Variants in ZNF589 observed in about 807,000 individuals in gnomAD.
ZNF589 encodes zinc finger protein 589, also known as KRAB-zinc finger protein SZF1-1.
A neutral mutation model predicts 13.6 loss-of-function variants in ZNF589; 17 were observed. The observed-to-expected ratio is 1.25, with a 90% CI of 0.86 to 1.88. The LOEUF (loss-of-function observed/expected upper bound fraction) is 1.88, where lower values mean the gene tolerates loss of function less well. ZNF589 is among the 40% of genes most tolerant of loss of function. ZNF589 has a pLI of 0.00. For missense variants in ZNF589, 407 were observed against 434.0 expected, an observed-to-expected ratio of 0.94 and a Z score of 0.55; for synonymous variants, 148 against 161.6, an observed-to-expected ratio of 0.92 and a Z score of 0.64.
rs2033694512 is a variant in ZNF589, at chr3:48,241,285, G to GT, written c.43+72dup. 3 of 1,570,964 alleles carry GT rather than the reference G, an allele frequency of 1.9e-6. No individual in the cohort carries two copies. In the South Asian group the frequency reaches 3.4e-5, roughly 18 times the overall value. Reference sequence around the variant, plus strand: ...CGCAGGCGCCGCGCAGGCGTCGGCCGTATCCACCAGGGATGCGCGTGGGGT... The same window carrying GT: ...CGCAGGCGCCGCGCAGGCGTCGGCCGTTATCCACCAGGGATGCGCGTGGGGT... On this transcript the variant is annotated intron_variant, in intron 1 of 3. Coordinates refer to ENST00000354698, the MANE Select transcript of ZNF589 (RefSeq NM_016089.3).
In ZNF589 at chr3:48,268,102, C is replaced by A. The variant is rs1275208821; in HGVS notation, c.411C>A (p.His137Gln). The A allele has an allele frequency of 1.2e-6, 2 of 1,614,174 alleles. No individual in the cohort carries two copies. Among genetic ancestry groups the A allele is most frequent in the East Asian group, 2.2e-5 (1 of 44,884 alleles). ...PQSQHPSDKNHRGAEAEDQRV... is the reference protein window; with the variant it reads ...PQSQHPSDKNQRGAEAEDQRV... ...CACAACATCCTTCTGATAAAAATCA[C>A]AGGGGGGCTGAAGCAGAAGATCAAC... Residue 137 changes from histidine to glutamine, a missense_variant, in exon 4 of 4, where the codon CAC (histidine) becomes CAA (glutamine). Coordinates refer to ENST00000354698, the MANE Select transcript of ZNF589 (RefSeq NM_016089.3).
intron 1 of ZNF589, among the ~76,000 whole-genome samples, chr3:48,243,066 CTA>C (rs2033715863): frequency 6.9e-6 from 1 of 144,360 alleles, no homozygotes; most frequent in Non-Finnish European, 1.5e-5. Context: ...GAATGAGACT[CTA>C]AAAAAAAAAA....
chr3:48,249,960 A>C (rs2033819181), intron 2 of ZNF589, among the ~76,000 whole-genome samples: 1 of 152,168 alleles, frequency 6.6e-6, no homozygotes, highest in South Asian at 2.1e-4. Flanking sequence ...AAAACCCATC[A>C]CTACTAAAAA....
intron 1 of ZNF589, among the ~76,000 whole-genome samples, chr3:48,244,840 T>G (rs1230115586): frequency 9.3e-5 from 14 of 151,272 alleles, no homozygotes; most frequent in Admixed American, 4.6e-4. Context: ...GAGATGGAGT[T>G]TTTTACTCTT....
At chr3:48,242,128 T>G (rs1183313171) in intron 1 of ZNF589, among the ~76,000 whole-genome samples, 1 of 151,230 alleles carries the variant, frequency 6.6e-6, no homozygotes, top group African/African-American at 2.4e-5. Flanking sequence ...ACTTTTTTTT[T>G]GGAGACAGAG....
At chr3:48,257,586 A>ATT (rs767101401) in intron 2 of ZNF589, among the ~76,000 whole-genome samples, 5 of 151,470 alleles carry the variant, frequency 3.3e-5, no homozygotes, top group African/African-American at 9.7e-5. Flanking sequence ...CTGGTTTATT[A>ATT]TTATTTTTTT....
At chr3:48,266,487 C>T (rs2034019838) in intron 3 of ZNF589, among the ~76,000 whole-genome samples, 1 of 152,172 alleles carries the variant, frequency 6.6e-6, no homozygotes, top group Non-Finnish European at 1.5e-5. Context: ...AGAGTGCTGC[C>T]CTAGAATCAG....
intron 3 of ZNF589, among the ~76,000 whole-genome samples, chr3:48,263,950 C>T (rs577555549): frequency 5.5e-4 from 84 of 152,238 alleles, no homozygotes; most frequent in African/African-American, 1.9e-3. Context: ...CTCATTTACT[C>T]AAAAGTATGT....
chr3:48,247,527 G>T, intron 1 of ZNF589, 98 bp from the exon 2 acceptor site: 2 of 1,368,114 alleles, frequency 1.5e-6, no homozygotes, highest in Admixed American at 3.7e-5. Flanking sequence ...AGCTGAGAAG[G>T]CTCAGGTGGC....
At chr3:48,250,304 T>G (rs986968176) in intron 2 of ZNF589, among the ~76,000 whole-genome samples, 2 of 143,010 alleles carry the variant, frequency 1.4e-5, no homozygotes, top group East Asian at 3.9e-4. Context: ...ACTCTCTACT[T>G]TCTTTTTTTT....
At chr3:48,241,508 A>G (rs536376434) in intron 1 of ZNF589, among the ~76,000 whole-genome samples, 7 of 152,366 alleles carry the variant, frequency 4.6e-5, no homozygotes, top group African/African-American at 1.4e-4. Flanking sequence ...GTGCAACTGA[A>G]GAACAGCATT....
In ZNF589 at chr3:48,268,233, G is replaced by T. The variant is rs899454876; in HGVS notation, c.542G>T (p.Gly181Val). The T allele has an allele frequency of 2.5e-6, 4 of 1,605,456 alleles. No homozygotes were observed. The highest frequency in any genetic ancestry group is 3.4e-6 in the Non-Finnish European group (4 of 1,175,408). Residue 181 changes from glycine to valine, a missense_variant, in exon 4 of 4, where the codon GGC becomes GTC. Transcript: ENST00000354698. ...AGACCACCAATAAGCTCTTGGGGAGGCAACAGAATATTAGAGATACAGCTC... is the reference window on the plus strand; with the variant it reads ...AGACCACCAATAAGCTCTTGGGGAGTCAACAGAATATTAGAGATACAGCTC... ...FQRPPISSWG[G>V]NRILEIQLSP...
intron 3 of ZNF589, 108 bp from the exon 4 acceptor site, chr3:48,267,807 G>A: frequency 8.4e-7 from 1 of 1,186,698 alleles, no homozygotes; most frequent in Non-Finnish European, 1.2e-6. Context: ...ATCTTGGGGA[G>A]AAAGACTTTA....
chr3:48,268,029 G>A lies in ZNF589; in HGVS notation c.338G>A (p.Gly113Glu). ...HNHPIPGFHAGNQLHPGNPCP... is the reference protein window; with the variant it reads ...HNHPIPGFHAENQLHPGNPCP... ...CATCCTATTCCAGGTTTCCATGCAG[G>A]AAATCAACTCCACCCAGGAAATCCC... The change falls in exon 4 of 4, where the codon GGA becomes GAA. Residue 113 changes from glycine (G) to glutamate (E), a missense_variant. Transcript: ENST00000354698. The A allele has an allele frequency of 1.9e-6, 3 of 1,614,204 alleles. No individual in the cohort carries two copies. Among genetic ancestry groups the A allele is most frequent in the South Asian group, 1.1e-5 (1 of 91,084 alleles).
Position 48,254,077 on chromosome 3 carries a change from G to A in ZNF589, c.96+6400G>A, listed in dbSNP as rs527876900. Among the ~76,000 whole-genome samples the A allele has an allele frequency of 1.1e-4, 16 of 151,666 alleles. No individual in the cohort carries two copies. In the South Asian group the frequency reaches 3.1e-3, roughly 30 times the overall value. The stretch of plus-strand genomic sequence containing the variant: ...TGTACTCCAGCCTGGGTGACAGAGC[G>A]AGACCTTATCTCTTAAAAAACAAAC... On this transcript the variant is annotated intron_variant, in intron 2 of 3. Transcript: ENST00000354698.
chr3:48,246,038 C>T (rs991967105), intron 1 of ZNF589, among the ~76,000 whole-genome samples: 9 of 151,804 alleles, frequency 5.9e-5, no homozygotes, highest in African/African-American at 1.5e-4. Flanking sequence ...ATAGGCCAGG[C>T]GTCGTGGGTC....
At position 48,243,716 on chromosome 3, in the gene ZNF589, C is replaced by T. The variant is rs569784847; in HGVS notation, c.43+2502C>T. Among the ~76,000 whole-genome samples the T allele has an allele frequency of 2.7e-5, 4 of 150,574 alleles. No homozygotes were observed. The East Asian group carries it at 5.9e-4, about 22-fold the overall frequency. ...ATCCCAGCTACTCAGAAGGCTGAGG[C>T]AGGAGGTGGAGGTTGCAGTGAGCTT... On this transcript the variant is annotated intron_variant, in intron 1 of 3. Transcript: ENST00000354698.
chr3:48,267,247 T>C (rs1311961300), intron 3 of ZNF589, among the ~76,000 whole-genome samples: 2 of 152,216 alleles, frequency 1.3e-5, no homozygotes, highest in Non-Finnish European at 2.9e-5. Context: ...AATGTTACCA[T>C]TTAGCTGCAC....
chr3:48,248,270 C>G (rs995422539), intron 2 of ZNF589, among the ~76,000 whole-genome samples: 5 of 152,110 alleles, frequency 3.3e-5, no homozygotes, highest in Admixed American at 6.6e-5. Flanking sequence ...TGGTGACATC[C>G]CCATTTTCGA....
Sources: gnomAD v4.1 joint callset for allele counts (sites outside exome capture counted in the v4.1 genomes callset) on GRCh38, gnomAD v4.1.1 for gene constraint, MANE v1.5 for transcripts, NCBI Gene and HGNC (gene_info 2026-07-23, HGNC 2026-07-21) for gene names.